Variants in COL27A1 observed in about 807,000 individuals in gnomAD.
COL27A1 encodes collagen type XXVII alpha 1 chain.
COL27A1 carries 106 observed loss-of-function variants against 251.3 expected under a neutral mutation model. The ratio of observed to expected loss-of-function variants is 0.42; its 90% CI spans 0.36 to 0.50. The LOEUF is 0.50. Among genes scored for constraint, COL27A1 ranks in the 20% least tolerant of loss-of-function variants. The pLI is 0.00. For missense variants in COL27A1, 2,325 were observed against 2,522.8 expected (o/e 0.92, Z 1.68); for synonymous variants, 1,000 against 986.3 (o/e 1.01, Z -0.26).
rs1230796540 is a variant in COL27A1, at chr9:114,168,543, A to G, written c.988A>G (p.Ser330Gly). ...GCTGCTACCTGCCAAGCTGTCAGCC[A>G]GTAACGCACTTGATCCCATGCTCCC... ...TPLLPAKLSASNALDPMLPAS... is the reference protein window; with the variant it reads ...TPLLPAKLSAGNALDPMLPAS... Residue 330 changes from serine to glycine, a missense_variant, in exon 3 of 61, where the codon AGT (serine) becomes GGT (glycine). By Grantham distance (56) the Ser-to-Gly change is moderately conservative. Coordinates refer to ENST00000356083, the MANE Select transcript of COL27A1 (RefSeq NM_032888.4). The G allele has an allele frequency of 1.2e-6, 2 of 1,614,060 alleles. No homozygotes were observed. Among genetic ancestry groups the G allele is most frequent in the Admixed American group, 1.7e-5 (1 of 60,028 alleles).
chr9:114,178,221 A>G, intron 3 of COL27A1, 70 bp from the exon 4 acceptor site: 2 of 1,334,306 alleles, frequency 1.5e-6, no homozygotes. Context: ...GGATTGTTGA[A>G]TGACTGCTTG....
intron 15 of COL27A1, among the ~76,000 whole-genome samples, chr9:114,231,565 T>C (rs1242281988): frequency 6.6e-6 from 1 of 152,218 alleles, no homozygotes; most frequent in East Asian, 1.9e-4. Context: ...ACACGGCTCA[T>C]TAAGCCCTTC....
intron 34 of COL27A1, among the ~76,000 whole-genome samples, chr9:114,268,224 G>A (rs1356795359): frequency 6.6e-6 from 1 of 152,070 alleles, no homozygotes; most frequent in Non-Finnish European, 1.5e-5. Context: ...GGGGCTCAGA[G>A]CTCTGCCCTC....
chr9:114,180,929 C>A (rs111866493), intron 4 of COL27A1, among the ~76,000 whole-genome samples: 2 of 152,148 alleles, frequency 1.3e-5, no homozygotes, highest in Non-Finnish European at 2.9e-5. Flanking sequence ...AGCTGGGGCA[C>A]GACTGGGGAG....
chr9:114,247,221 C>T (rs77308252), intron 24 of COL27A1, among the ~76,000 whole-genome samples: 2,948 of 152,168 alleles, frequency 0.019, 93 homozygotes, highest in African/African-American at 0.066. Context: ...GGTGTAACAG[C>T]GGCCTCAATT....
intron 1 of COL27A1, among the ~76,000 whole-genome samples, chr9:114,156,519 G>T (rs1848132073): frequency 6.6e-6 from 1 of 152,108 alleles, no homozygotes; most frequent in Non-Finnish European, 1.5e-5. Flanking sequence ...GGCTCTGCAC[G>T]TCCCCGCGTT....
chr9:114,172,001 T>A (rs2808777), intron 3 of COL27A1, among the ~76,000 whole-genome samples: 5 of 152,068 alleles, frequency 3.3e-5, no homozygotes, highest in African/African-American at 4.8e-5. Context: ...TGGCCAGGGC[T>A]GAGGCTCTTT....
intron 18 of COL27A1, among the ~76,000 whole-genome samples, 179 bp downstream of exon 18, chr9:114,237,213 G>T (rs1285260326): frequency 6.6e-6 from 1 of 152,206 alleles, no homozygotes; most frequent in East Asian, 1.9e-4. Flanking sequence ...ACTGTGAGAG[G>T]CTCAGTAACT....
At chr9:114,285,285 A>G (rs1173899469) in intron 41 of COL27A1, among the ~76,000 whole-genome samples, 1 of 152,088 alleles carries the variant, frequency 6.6e-6, no homozygotes, top group Non-Finnish European at 1.5e-5. Context: ...TTGGCTCAAG[A>G]TTCAGTAGAG....
chr9:114,301,826 C>G, intron 55 of COL27A1, 109 bp downstream of exon 55: 1 of 1,123,782 alleles, frequency 8.9e-7, no homozygotes, highest in Non-Finnish European at 1.3e-6. Flanking sequence ...CACAGGGGTT[C>G]TTGTAGCCCA....
chr9:114,297,766 G>A (rs907515701), intron 49 of COL27A1, among the ~76,000 whole-genome samples: 2 of 152,104 alleles, frequency 1.3e-5, no homozygotes, highest in South Asian at 2.1e-4. Context: ...TCAGGAGCAA[G>A]CCAAGGATGT....
chr9:114,217,978 G>GT (rs1830818724), intron 12 of COL27A1: 1 of 372,598 alleles, frequency 2.7e-6, no homozygotes, highest in African/African-American at 2.1e-5. Flanking sequence ...GCCAGGTGTA[G>GT]TGGTGTGCAT....
At chr9:114,221,177 G>A (rs1831083252) in intron 13 of COL27A1, among the ~76,000 whole-genome samples, 1 of 152,012 alleles carries the variant, frequency 6.6e-6, no homozygotes, top group Non-Finnish European at 1.5e-5. Context: ...AGTGGGATGG[G>A]TGGGATCAGA....
At chr9:114,255,757 C>T (rs2135547503) in intron 27 of COL27A1, among the ~76,000 whole-genome samples, 1 of 152,302 alleles carries the variant, frequency 6.6e-6, no homozygotes, top group South Asian at 2.1e-4. Context: ...CCTTGGATCT[C>T]TTGGGGTTCC....
At chr9:114,251,098 C>G (rs1833513033) in intron 25 of COL27A1, among the ~76,000 whole-genome samples, 2 of 152,160 alleles carry the variant, frequency 1.3e-5, no homozygotes, top group Admixed American at 6.5e-5. Flanking sequence ...TAATAAGTGG[C>G]AGTGCTGAGA....
At chr9:114,158,610 A>C (rs536711036) in intron 1 of COL27A1, among the ~76,000 whole-genome samples, 1 of 152,184 alleles carries the variant, frequency 6.6e-6, no homozygotes, top group East Asian at 1.9e-4. Context: ...AAGTGGTGAA[A>C]ACAGAAGTCT....
chr9:114,247,550 G>C (rs1299532345), intron 24 of COL27A1, among the ~76,000 whole-genome samples: 1 of 152,226 alleles, frequency 6.6e-6, no homozygotes, highest in East Asian at 1.9e-4. Context: ...GTTTGACCAA[G>C]ATCACCAAGT....
chr9:114,264,476 C>T (rs1834593457), intron 29 of COL27A1, 68 bp downstream of exon 29: 13 of 1,258,544 alleles, frequency 1.0e-5, no homozygotes, highest in Non-Finnish European at 1.4e-5. Context: ...GAACAAGGCT[C>T]ACAGCTCCTC....
At chr9:114,184,780 A>C (rs1322302870) in intron 5 of COL27A1, among the ~76,000 whole-genome samples, 2 of 152,182 alleles carry the variant, frequency 1.3e-5, no homozygotes, top group African/African-American at 4.8e-5. Context: ...GGGTCGAGTA[A>C]GACATTGTCT....
Sources: gnomAD v4.1 joint callset for allele counts (sites outside exome capture counted in the v4.1 genomes callset) on GRCh38, gnomAD v4.1.1 for gene constraint, MANE v1.5 for transcripts, NCBI Gene and HGNC (gene_info 2026-07-23, HGNC 2026-07-21) for gene names.